The following TBC1D22B variants were observed in gnomAD, a reference collection of about 807,000 sequenced individuals.
TBC1D22B encodes the protein chromosome 6 open reading frame 197.
TBC1D22B carries 32 observed loss-of-function variants against 69.1 expected under a neutral mutation model. The observed-to-expected ratio is 0.46, with a 90% CI of 0.35 to 0.62. The LOEUF (loss-of-function observed/expected upper bound fraction) is 0.62. Ranked by LOEUF, TBC1D22B falls within the 20% of genes least tolerant of loss-of-function variation. The pLI is 0.00. For synonymous variants in TBC1D22B, 206 were observed against 229.8 expected (o/e 0.90, Z 0.94); for missense variants, 462 against 630.9 (o/e 0.73, Z 2.87).
Position 37,282,951 on chromosome 6 carries a change from C to T in TBC1D22B, c.671C>T (p.Ser224Leu), listed in dbSNP as rs1011670512. ...CGACCTATAACCTGGAGACTCCTGT[C>T]GGTGAGTTCTACCCACTGTGTAGAG... is the stretch of plus-strand genomic sequence containing the variant. ...EVRPITWRLL[S>L]GYLPANTERR... Residue 224 changes from serine (S) to leucine (L), a missense_variant and splice_region_variant, in exon 5 of 13, where the codon TCG becomes TTG. By Grantham distance (145) the Ser-to-Leu change is moderately radical. Coordinates refer to ENST00000373491, the MANE Select transcript of TBC1D22B (RefSeq NM_017772.4). The T allele has an allele frequency of 6.2e-6, 10 of 1,613,512 alleles. No homozygotes were observed. The highest frequency in any genetic ancestry group is 3.3e-5 in the South Asian group (3 of 91,034).
chr6:37,274,473 G>A (rs1268427398), intron 2 of TBC1D22B, among the ~76,000 whole-genome samples: 1 of 152,056 alleles, frequency 6.6e-6, no homozygotes, highest in Non-Finnish European at 1.5e-5. Flanking sequence ...CCATTTATTA[G>A]GTTTTTGAAA....
At chr6:37,264,390 G>A (rs987456685) in intron 1 of TBC1D22B, among the ~76,000 whole-genome samples, 5 of 152,120 alleles carry the variant, frequency 3.3e-5, no homozygotes, top group African/African-American at 1.2e-4. Flanking sequence ...TCGGCTCACC[G>A]CAACCTCTGC....
At chr6:37,277,114 T>C (rs986695273) in intron 2 of TBC1D22B, among the ~76,000 whole-genome samples, 16 of 152,174 alleles carry the variant, frequency 1.1e-4, no homozygotes, top group African/African-American at 3.6e-4. Context: ...CACCCTGTGT[T>C]AGGCCACCAG....
intron 1 of TBC1D22B, among the ~76,000 whole-genome samples, chr6:37,267,311 T>TATATATATATACACACACATATATATA (rs1285486411): frequency 7.1e-6 from 1 of 141,276 alleles, no homozygotes; most frequent in African/African-American, 2.7e-5. Context: ...GACATACATA[T>TATATATATATACACACACATATATATA]ATATATATAT....
At chr6:37,300,457 G>C (rs762110887) in intron 8 of TBC1D22B, among the ~76,000 whole-genome samples, 22 of 152,078 alleles carry the variant, frequency 1.4e-4, no homozygotes, top group Non-Finnish European at 2.8e-4. Flanking sequence ...CATCTCCCAG[G>C]TTCAAGCCAT....
intron 7 of TBC1D22B, among the ~76,000 whole-genome samples, chr6:37,290,168 G>A (rs1767131233): frequency 6.6e-6 from 1 of 152,056 alleles, no homozygotes; most frequent in South Asian, 2.1e-4. Flanking sequence ...AGGTTTTTCT[G>A]CCTTCCACCT....
chr6:37,316,595 T>C (rs557128347), intron 10 of TBC1D22B, 108 bp from the exon 11 acceptor site: 38 of 1,293,136 alleles, frequency 2.9e-5, no homozygotes, highest in Non-Finnish European at 4.2e-5. Context: ...CTGTGTCTGC[T>C]TACCCATGGG....
intron 9 of TBC1D22B, 60 bp downstream of exon 9, chr6:37,313,084 T>A: frequency 6.0e-6 from 8 of 1,344,360 alleles, no homozygotes; most frequent in Non-Finnish European, 8.5e-6. Flanking sequence ...CCAGCAGGGC[T>A]TTGGTTTCTT....
rs375730052 is a variant in TBC1D22B at position 37,284,472 on chromosome 6, C to T, written c.801+8C>T. The T allele has an allele frequency of 3.8e-6, 6 of 1,560,934 alleles. No homozygotes were observed. In the African/African-American group the frequency reaches 6.8e-5, roughly 18 times the overall value. On this transcript the variant is annotated splice_region_variant and intron_variant, in intron 6 of 12. Coordinates refer to ENST00000373491, the MANE Select transcript of TBC1D22B (RefSeq NM_017772.4). ...CAGGATACCTACAGACAGGTACAGT[C>T]ACCACCTGCTGCCTCTTTGCTTACC...
intron 1 of TBC1D22B, among the ~76,000 whole-genome samples, chr6:37,262,061 C>T (rs1766123149): frequency 6.8e-6 from 1 of 147,578 alleles, no homozygotes; most frequent in Non-Finnish European, 1.5e-5. Flanking sequence ...GATGGGGTCT[C>T]CCTCTGTTGC....
At chr6:37,285,314 A>C (rs973034071) in intron 6 of TBC1D22B, among the ~76,000 whole-genome samples, 256 of 32,610 alleles carry the variant, frequency 7.9e-3, no homozygotes, top group East Asian at 9.2e-3. Context: ...GTCCTTCCCC[A>C]CTTTTTTTTT....
chr6:37,258,803 T>C (rs1765947811), intron 1 of TBC1D22B, among the ~76,000 whole-genome samples: 1 of 152,136 alleles, frequency 6.6e-6, no homozygotes, highest in African/African-American at 2.4e-5. Context: ...TCCTGAGAAG[T>C]ATAAGGAAGA....
chr6:37,309,573 A>G (rs566274194), intron 8 of TBC1D22B, among the ~76,000 whole-genome samples: 2 of 152,236 alleles, frequency 1.3e-5, no homozygotes, highest in Admixed American at 6.5e-5. Context: ...CTATTTTCAT[A>G]AAGAGGGAGC....
chr6:37,330,490 G>C (rs1481292483), intron 12 of TBC1D22B, among the ~76,000 whole-genome samples: 1 of 152,052 alleles, frequency 6.6e-6, no homozygotes, highest in Non-Finnish European at 1.5e-5. Context: ...ATCCGCCTCA[G>C]CCTCCCAAAG....
intron 2 of TBC1D22B, among the ~76,000 whole-genome samples, chr6:37,274,298 T>TA (rs1286722446): frequency 1.3e-5 from 2 of 152,212 alleles, no homozygotes; most frequent in Non-Finnish European, 2.9e-5. Context: ...TTCTGTTAAG[T>TA]AGAACATCCG....
chr6:37,307,542 G>C (rs1366131672), intron 8 of TBC1D22B, among the ~76,000 whole-genome samples: 2 of 151,966 alleles, frequency 1.3e-5, no homozygotes, highest in African/African-American at 4.8e-5. Flanking sequence ...TTTTGGTAGA[G>C]ACGGGGTTTC....
chr6:37,264,247 C>T (rs1766199512), intron 1 of TBC1D22B, among the ~76,000 whole-genome samples: 1 of 152,014 alleles, frequency 6.6e-6, no homozygotes, highest in Non-Finnish European at 1.5e-5. Context: ...GTGAAAAATG[C>T]CAGATCCAAT....
intron 2 of TBC1D22B, 103 bp from the exon 3 acceptor site, chr6:37,279,201 T>G: frequency 8.9e-7 from 1 of 1,128,606 alleles, no homozygotes; most frequent in Non-Finnish European, 1.2e-6. Flanking sequence ...CTAATGATTA[T>G]GTATGTGGTA....
At chr6:37,300,848 A>ATG (rs1405074252) in intron 8 of TBC1D22B, among the ~76,000 whole-genome samples, 1 of 152,148 alleles carries the variant, frequency 6.6e-6, no homozygotes, top group Non-Finnish European at 1.5e-5. Flanking sequence ...CTCTTAACAA[A>ATG]TTTTGAGGTG....
Sources: gnomAD v4.1 joint callset for allele counts (sites outside exome capture counted in the v4.1 genomes callset) on GRCh38, gnomAD v4.1.1 for gene constraint, MANE v1.5 for transcripts, NCBI Gene and HGNC (gene_info 2026-07-23, HGNC 2026-07-21) for gene names.